Variants in C18orf63 observed in about 807,000 individuals in gnomAD.
The protein encoded by C18orf63 is uncharacterized protein C18orf63.
C18orf63 carries 50 observed loss-of-function variants against 75.3 expected under a neutral mutation model. The ratio of observed to expected loss-of-function variants is 0.66; its 90% CI spans 0.53 to 0.84. The LOEUF is 0.84. Among genes scored for constraint, C18orf63 ranks in the 40% least tolerant of loss-of-function variants. C18orf63 has a pLI of 0.00. For synonymous variants in C18orf63, 232 were observed against 267.6 expected (o/e 0.87, Z 1.30); for missense variants, 732 against 800.2 (o/e 0.91, Z 1.03).
Position 74,354,640 on chromosome 18 carries a change from A to G in C18orf63, c.*33+94A>G, listed in dbSNP as rs547228750. 426 of 608,602 alleles carry G rather than the reference A, an allele frequency of 7.0e-4. 5 individuals carry two copies. In the African/African-American group the frequency reaches 7.1e-3, roughly 10 times the overall value. 37.7% of individuals were successfully genotyped at this position (608,602 alleles called of 1,614,324 possible). A position where few individuals can be genotyped will look rare whatever the true frequency, so the allele number is the denominator to read the frequency against. ...CCCAACCTCTTGGTAAAAAGCAGCT[A>G]CTTTTAAATTCTTTGAAACCGTAAA... is the stretch of plus-strand genomic sequence containing the variant. On this transcript the variant is annotated intron_variant, in intron 13 of 13. Transcript: ENST00000579455.
chr18:74,353,475 C>A lies in C18orf63; in HGVS notation c.1208C>A (p.Ala403Asp). The A allele has an allele frequency of 6.5e-7, 1 of 1,536,332 alleles. No individual in the cohort carries two copies. The highest frequency in any genetic ancestry group is 2.4e-5 in the East Asian group (1 of 40,920). The stretch of plus-strand genomic sequence containing the variant: ...AGAAAGAAATCCCTGTCTATCAGGG[C>A]TCCACAAGTACATTCAGAAGTATTA... Reference protein sequence around the residue: ...QGRKKSLSIRAPQVHSEVLMP... With the variant: ...QGRKKSLSIRDPQVHSEVLMP... Residue 403 changes from alanine to aspartate, a missense_variant, in exon 12 of 14, where the codon GCT becomes GAT. Ala to Asp is a moderately radical substitution (Grantham distance 126). This residue lies in a region of C18orf63 where 495 missense variants were observed against 508.7 expected (regional missense o/e 0.97). Transcript: ENST00000579455.
chr18:74,343,730 C>G (rs768556153), intron 11 of C18orf63, 28 bp downstream of exon 11: 69 of 1,360,142 alleles, frequency 5.1e-5, no homozygotes, highest in Non-Finnish European at 1.4e-5. Context: ...CTATCTAGTT[C>G]TCCAAGACAT....
chr18:74,341,359 A>T (rs2145126232), intron 8 of C18orf63, among the ~76,000 whole-genome samples: 1 of 151,596 alleles, frequency 6.6e-6, no homozygotes, highest in South Asian at 2.1e-4. Context: ...TAATGGCAAA[A>T]ATCGCAATTA....
chr18:74,317,929 G>A lies in C18orf63; in HGVS notation c.64G>A (p.Ala22Thr). The A allele has an allele frequency of 6.5e-7, 1 of 1,533,350 alleles. No homozygotes were observed. Among genetic ancestry groups the A allele is most frequent in the Non-Finnish European group, 8.7e-7 (1 of 1,144,652 alleles). 95.0% of individuals were successfully genotyped at this position (1,533,350 alleles called of 1,614,324 possible). A position where few individuals can be genotyped will look rare whatever the true frequency, so the allele number is the denominator to read the frequency against. Residue 22 changes from alanine to threonine, a missense_variant, in exon 2 of 14, where the codon GCT (alanine) becomes ACT (threonine). By Grantham distance (58) the Ala-to-Thr change is moderately conservative (BLOSUM62 0). Around this residue, in one of 3 missense-constraint regions of C18orf63, gnomAD observed 233 missense variants for 272.7 expected, o/e 0.85. Coordinates refer to ENST00000579455, the MANE Select transcript of C18orf63 (RefSeq NM_001174123.2). The stretch of plus-strand genomic sequence containing the variant: ...ACTTCCAGATTTAAACAAACTCTGT[G>A]CTGTCAGAATAATACTGAGTAATAA... ...ITLPDLNKLC[A>T]VRIILSNKVA...
intron 8 of C18orf63, among the ~76,000 whole-genome samples, chr18:74,341,270 C>CAAAAAAAA (rs58362707): frequency 5.1e-5 from 3 of 59,004 alleles, no homozygotes; most frequent in Admixed American, 3.1e-4. Context: ...GACTCCGTCT[C>CAAAAAAAA]AAAAAAAAAA....
chr18:74,334,494 C>T (rs955354548), intron 7 of C18orf63, among the ~76,000 whole-genome samples: 1 of 152,082 alleles, frequency 6.6e-6, no homozygotes, highest in Non-Finnish European at 1.5e-5. Context: ...TAAACTGAAA[C>T]TAAGCTGTCT....
chr18:74,320,628 G>C (rs1984104782), intron 3 of C18orf63, 37 bp downstream of exon 3: 2 of 1,212,500 alleles, frequency 1.6e-6, no homozygotes, highest in South Asian at 2.7e-5. Context: ...GTTATTACTA[G>C]TTGAGAACAA....
intron 5 of C18orf63, among the ~76,000 whole-genome samples, chr18:74,328,612 T>C (rs542658985): frequency 6.6e-6 from 1 of 152,338 alleles, no homozygotes; most frequent in African/African-American, 2.4e-5. Context: ...AGAGGCCTGA[T>C]GTTTCTTTAA....
intron 8 of C18orf63, among the ~76,000 whole-genome samples, chr18:74,341,576 A>C (rs777073867): frequency 3.3e-5 from 5 of 152,070 alleles, no homozygotes; most frequent in Non-Finnish European, 5.9e-5. Flanking sequence ...GCTGGCGGCT[A>C]AGGCAGGAGA....
At chr18:74,343,766 T>C in intron 11 of C18orf63, 64 bp downstream of exon 11, 1 of 1,123,796 alleles carries the variant, frequency 8.9e-7, no homozygotes, top group African/African-American at 1.6e-5. Flanking sequence ...TACTTGAATC[T>C]CTTGTCTTCT....
At chr18:74,349,673 C>G (rs1404752303) in intron 11 of C18orf63, among the ~76,000 whole-genome samples, 1 of 152,060 alleles carries the variant, frequency 6.6e-6, no homozygotes. Flanking sequence ...AACCATCCCC[C>G]CCACCACCCC....
At chr18:74,326,258 G>C (rs113646662) in intron 4 of C18orf63, among the ~76,000 whole-genome samples, 41 of 152,280 alleles carry the variant, frequency 2.7e-4, no homozygotes, top group African/African-American at 9.6e-4. Context: ...AGTCAAAATG[G>C]TACAAAAATT....
chr18:74,352,400 A>ATATT (rs1984681994), intron 11 of C18orf63, among the ~76,000 whole-genome samples: 2 of 152,170 alleles, frequency 1.3e-5, no homozygotes, highest in South Asian at 4.1e-4. Context: ...TAAAATGGTA[A>ATATT]ATTTTATATT....
chr18:74,327,240 A>G (rs1453365213), intron 4 of C18orf63, among the ~76,000 whole-genome samples: 1 of 152,210 alleles, frequency 6.6e-6, no homozygotes, highest in Non-Finnish European at 1.5e-5. Context: ...GCAGGAGACA[A>G]GATAAGGGTA....
At chr18:74,321,852 A>G (rs1024832566) in intron 3 of C18orf63, among the ~76,000 whole-genome samples, 4 of 152,092 alleles carry the variant, frequency 2.6e-5, no homozygotes, top group Non-Finnish European at 5.9e-5. Flanking sequence ...GTTGATGTTT[A>G]AAAGTAGAAA....
intron 11 of C18orf63, among the ~76,000 whole-genome samples, chr18:74,347,214 C>T (rs1984589081): frequency 6.6e-6 from 1 of 152,168 alleles, no homozygotes; most frequent in South Asian, 2.1e-4. Flanking sequence ...TCTCTAGGAG[C>T]TGATTCTGAG....
intron 8 of C18orf63, among the ~76,000 whole-genome samples, chr18:74,340,067 C>A (rs1030534562): frequency 6.6e-6 from 1 of 152,090 alleles, no homozygotes; most frequent in Non-Finnish European, 1.5e-5. Context: ...AGTGAAGAGA[C>A]AACTTACAGA....
intron 2 of C18orf63, among the ~76,000 whole-genome samples, chr18:74,318,931 G>T (rs1482649170): frequency 6.6e-6 from 1 of 152,166 alleles, no homozygotes; most frequent in African/African-American, 2.4e-5. Flanking sequence ...ATATTTAAAT[G>T]AATTGCTTAG....
rs1245686658 is a variant in C18orf63, at chr18:74,353,946, G to A, written c.1679G>A (p.Ser560Asn). 3.9e-6 allele frequency: 6 copies of A among 1,536,098 alleles called. No individual in the cohort carries two copies. The South Asian group carries it at 4.8e-5, about 12-fold the overall frequency. Reference sequence around the variant, plus strand: ...AATAACAATTTAGGGGTGGTAAAAAGTGCTGTTGACTTCCAAATGAAAGGA... The same window carrying A: ...AATAACAATTTAGGGGTGGTAAAAAATGCTGTTGACTTCCAAATGAAAGGA... ...VSNNNLGVVK[S>N]AVDFQMKGKE... The change falls in exon 12 of 14, where the codon AGT becomes AAT. Residue 560 changes from serine (S) to asparagine (N), a missense_variant. Transcript: ENST00000579455.
Sources: gnomAD v4.1 joint callset for allele counts (sites outside exome capture counted in the v4.1 genomes callset) on GRCh38, gnomAD v4.1.1 for gene constraint, gnomAD v4.1.1 regional missense constraint, MANE v1.5 for transcripts, NCBI Gene and HGNC (gene_info 2026-07-23, HGNC 2026-07-21) for gene names.